JPH1: variants seen among roughly 807,000 people sequenced by gnomAD.
JPH1 encodes the protein junctophilin-1.
A neutral mutation model predicts 53.6 loss-of-function variants in JPH1; 12 were observed. That is an observed-to-expected ratio of 0.22 (90% CI 0.14 to 0.36). The LOEUF is 0.36. JPH1 is among the 10% of genes least tolerant of loss of function. JPH1 has a pLI of 1.00. For synonymous variants in JPH1, 375 were observed against 363.8 expected (o/e 1.03, Z -0.35); for missense variants, 808 against 905.5 (o/e 0.89, Z 1.38).
intron 3 of JPH1, among the ~76,000 whole-genome samples, chr8:74,256,400 G>A (rs1431959474): frequency 6.6e-6 from 1 of 151,934 alleles, no homozygotes; most frequent in Non-Finnish European, 1.5e-5. Context: ...CATGGGGTGG[G>A]GGGAAGGGGG....
intron 3 of JPH1, among the ~76,000 whole-genome samples, chr8:74,258,282 T>G (rs1434336188): frequency 6.6e-6 from 1 of 152,230 alleles, no homozygotes; most frequent in Admixed American, 6.5e-5. Flanking sequence ...TTTATTTTGG[T>G]TTCTTCACCT....
At chr8:74,285,821 T>A (rs547822391) in intron 2 of JPH1, among the ~76,000 whole-genome samples, 1 of 152,198 alleles carries the variant, frequency 6.6e-6, no homozygotes, top group African/African-American at 2.4e-5. Context: ...CATGTAACCA[T>A]CTGCATCAAA....
intron 2 of JPH1, among the ~76,000 whole-genome samples, chr8:74,269,645 G>A (rs1437610545): frequency 6.6e-6 from 1 of 152,206 alleles, no homozygotes; most frequent in Non-Finnish European, 1.5e-5. Context: ...ATAAAACACT[G>A]TTTGAACTGA....
chr8:74,265,467 G>A (rs1183171157), intron 2 of JPH1, among the ~76,000 whole-genome samples: 3 of 152,060 alleles, frequency 2.0e-5, no homozygotes. Flanking sequence ...CAAATAATTG[G>A]TTATTCTACT....
rs1195102422 is a variant in JPH1, at chr8:74,244,960, C to T, written c.1474G>A (p.Ala492Thr). Residue 492 changes from alanine (A) to threonine (T), a missense_variant, in exon 4 of 6, where the codon GCG (alanine) becomes ACG (threonine). Physicochemically the swap from Ala to Thr is moderately conservative, Grantham distance 58. Coordinates refer to ENST00000342232, the MANE Select transcript of JPH1 (RefSeq NM_020647.4). ...CTCCTTTTGTCTTGGTTGAGTCTCG[C>T]CCCTGAGCTGGGGTTTTGCTTCTTC... ...PLKKQNPSSG[A>T]RLNQDKRSVA... 6.2e-7 allele frequency: 1 copy of T among 1,613,940 alleles called. No individual in the cohort carries two copies. The highest frequency in any genetic ancestry group is 8.5e-7 in the Non-Finnish European group (1 of 1,180,028).
At chr8:74,277,267 C>G (rs981258238) in intron 2 of JPH1, among the ~76,000 whole-genome samples, 1 of 152,196 alleles carries the variant, frequency 6.6e-6, no homozygotes, top group African/African-American at 2.4e-5. Flanking sequence ...TCACTGTTCC[C>G]TTCCCACCCA....
intron 2 of JPH1, among the ~76,000 whole-genome samples, chr8:74,309,767 T>C (rs1807936492): frequency 1.3e-5 from 2 of 152,104 alleles, no homozygotes; most frequent in Non-Finnish European, 2.9e-5. Context: ...GCCTAAGAAA[T>C]AGAATGCAAA....
intron 2 of JPH1, among the ~76,000 whole-genome samples, chr8:74,288,045 G>T (rs1032486651): frequency 6.6e-6 from 1 of 152,010 alleles, no homozygotes; most frequent in Non-Finnish European, 1.5e-5. Flanking sequence ...CTCCAGGGAA[G>T]TCACAATTTA....
intron 2 of JPH1, among the ~76,000 whole-genome samples, chr8:74,295,134 A>G (rs990248700): frequency 6.6e-6 from 1 of 152,162 alleles, no homozygotes; most frequent in African/African-American, 2.4e-5. Context: ...CTGCTTGGAA[A>G]GCTTTTCTCC....
At chr8:74,239,398 C>T (rs6996188) in intron 4 of JPH1, among the ~76,000 whole-genome samples, 100,369 of 151,960 alleles carry the variant, frequency 0.66, 34,483 homozygotes, top group Admixed American at 0.75. Context: ...CCCATTCAGT[C>T]CTTTAAAATG....
intron 2 of JPH1, among the ~76,000 whole-genome samples, chr8:74,293,255 T>C (rs1477539877): frequency 6.6e-6 from 1 of 152,174 alleles, no homozygotes; most frequent in African/African-American, 2.4e-5. Context: ...AAGACACTAT[T>C]ATATCCTTGG....
chr8:74,319,316 A>C (rs183890133), intron 1 of JPH1, among the ~76,000 whole-genome samples: 1 of 152,224 alleles, frequency 6.6e-6, no homozygotes, highest in African/African-American at 2.4e-5. Context: ...GCACACATTT[A>C]AAACAATAAA....
intron 2 of JPH1, among the ~76,000 whole-genome samples, chr8:74,289,150 G>A (rs1807251917): frequency 6.6e-6 from 1 of 152,144 alleles, no homozygotes; most frequent in Non-Finnish European, 1.5e-5. Context: ...CTTCAGTAAC[G>A]GGAAAGGACG....
intron 2 of JPH1, among the ~76,000 whole-genome samples, chr8:74,300,474 T>C (rs190150605): frequency 5.9e-5 from 9 of 152,350 alleles, no homozygotes; most frequent in Admixed American, 1.3e-4. Context: ...ACTAAGTGTG[T>C]AAGTATTGAT....
chr8:74,313,731 C>A (rs1808060355), intron 2 of JPH1, among the ~76,000 whole-genome samples: 1 of 151,992 alleles, frequency 6.6e-6, no homozygotes, highest in Non-Finnish European at 1.5e-5. Context: ...TTTGTGGTTT[C>A]AAAAGGGCGT....
chr8:74,315,747 G>A lies in JPH1; in HGVS notation c.380-127C>T. 1.1e-6 allele frequency: 1 copy of A among 888,466 alleles called. No individual in the cohort carries two copies. Among genetic ancestry groups the A allele is most frequent in the South Asian group, 2.1e-5 (1 of 48,068 alleles). The allele number at this position is 888,466 out of a possible 1,614,324, so 55.0% of individuals were successfully genotyped here. ...TGACCCATTTCCAAGTCAACCCTGG[G>A]GGATACTTTGCATCCACTTGTGAAT... is the stretch of plus-strand genomic sequence containing the variant. On this transcript the variant is annotated intron_variant, in intron 1 of 5. Transcript: ENST00000342232. The surrounding 1 kb of genome is among the most constrained non-coding windows in gnomAD (Gnocchi z 6.3).
Position 74,244,813 on chromosome 8 carries a change from G to C in JPH1, c.1621C>G (p.Pro541Ala). Reference sequence around the variant, plus strand: ...TGAGAATGCAGCTCCCCGTTACTGGGGTTGGGGATGTGGTGGCGGCCAGAG... The same window carrying C: ...TGAGAATGCAGCTCCCCGTTACTGGCGTTGGGGATGTGGTGGCGGCCAGAG... The part of the protein sequence containing the change: ...KYSGRHHIPN[P>A]SNGELHSQYH... Residue 541 changes from proline to alanine, a missense_variant, in exon 4 of 6, where the codon CCC (proline) becomes GCC (alanine). By Grantham distance (27) the Pro-to-Ala change is conservative (BLOSUM62 -1). This residue lies in a region of JPH1 where 756 missense variants were observed against 811.9 expected (regional missense o/e 0.93). Coordinates refer to ENST00000342232, the MANE Select transcript of JPH1 (RefSeq NM_020647.4). 1 of 1,614,192 alleles carries C rather than the reference G, an allele frequency of 6.2e-7. No homozygotes were observed.
Position 74,315,462 on chromosome 8 carries a change from C to G in JPH1, c.538G>C (p.Ala180Pro), listed in dbSNP as rs1415826100. Reference sequence around the variant, plus strand: ...CCGGCCGGGCTGTCGGCGGCGGCTGCGGCGTCGTGGAGCACGCTGCCATTG... The same window carrying G: ...CCGGCCGGGCTGTCGGCGGCGGCTGGGGCGTCGTGGAGCACGCTGCCATTG... Reference protein sequence around the residue: ...QSNGSVLHDAAAAADSPAGTR... With the variant: ...QSNGSVLHDAPAAADSPAGTR... Residue 180 changes from alanine (A) to proline (P), a missense_variant, in exon 2 of 6, where the codon GCA becomes CCA. By Grantham distance (27) the Ala-to-Pro change is conservative. Around this residue, in one of 2 missense-constraint regions of JPH1, gnomAD observed 756 missense variants for 811.9 expected, o/e 0.93. Transcript: ENST00000342232. This position sits in a 1 kb window ranked among gnomAD's most constrained non-coding sequence, Gnocchi z 6.3. 6.2e-7 allele frequency: 1 copy of G among 1,608,096 alleles called. No individual in the cohort carries two copies. The highest frequency in any genetic ancestry group is 8.5e-7 in the Non-Finnish European group (1 of 1,177,952).
chr8:74,296,285 A>G (rs1045154950), intron 2 of JPH1, among the ~76,000 whole-genome samples: 3 of 152,198 alleles, frequency 2.0e-5, no homozygotes, highest in African/African-American at 7.2e-5. Context: ...ACTGACATCT[A>G]AAAATGACCT....
Sources: gnomAD v4.1 joint callset for allele counts (sites outside exome capture counted in the v4.1 genomes callset) on GRCh38, gnomAD v4.1.1 for gene constraint, gnomAD v4.1.1 regional missense constraint, Gnocchi (gnomAD v3.1) non-coding constraint, MANE v1.5 for transcripts, NCBI Gene and HGNC (gene_info 2026-07-23, HGNC 2026-07-21) for gene names.